Variants in MAP7D2 observed in about 807,000 individuals in gnomAD.
MAP7D2 encodes MAP7 domain-containing protein 2.
MAP7D2 carries 33 observed loss-of-function variants against 63.5 expected under a neutral mutation model. The observed-to-expected ratio is 0.52, with a 90% CI of 0.39 to 0.70. The LOEUF is 0.70. MAP7D2 is among the 30% of genes least tolerant of loss of function. The pLI is 0.00. For missense variants in MAP7D2, 626 were observed against 604.0 expected (o/e 1.04, Z -0.38); for synonymous variants, 224 against 223.7 (o/e 1.00, Z -0.01).
intron 10 of MAP7D2, among the ~76,000 whole-genome samples, chrX:20,018,981 C>T (rs970426706): frequency 1.8e-5 from 2 of 110,965 alleles, no homozygotes; most frequent in African/African-American, 6.6e-5. Context: ...CCGCCCTTGC[C>T]GTCATTACTA....
intron 3 of MAP7D2, among the ~76,000 whole-genome samples, chrX:20,061,118 CAAA>C (rs780468494): frequency 2.8e-3 from 98 of 34,875 alleles, no homozygotes; most frequent in African/African-American, 8.2e-3. Flanking sequence ...AGAACATGAC[CAAA>C]AAAAAAAAAA....
At position 20,024,931 on chromosome X, in the gene MAP7D2, A is replaced by C; in HGVS notation, c.1412+20T>G. The C allele has an allele frequency of 8.3e-7, 1 of 1,203,829 alleles. No individual in the cohort carries two copies. Among genetic ancestry groups the C allele is most frequent in the Non-Finnish European group, 1.1e-6 (1 of 891,889 alleles). ...CAACAGTTACATGAGATCACACCGA[A>C]ATTCTGAGCACTAGCATACCTATCT... On this transcript the variant is annotated intron_variant, in intron 10 of 16. Transcript: ENST00000379643.
At chrX:20,069,636 G>C (rs2065447620) in intron 1 of MAP7D2, among the ~76,000 whole-genome samples, 1 of 111,005 alleles carries the variant, frequency 9.0e-6, no homozygotes, top group Non-Finnish European at 1.9e-5. Context: ...GGAAGTGGAT[G>C]TCTATAAAAG....
rs1336816670 is a variant in MAP7D2, at chrX:20,010,758, T to C, written c.*26+19A>G. On this transcript the variant is annotated intron_variant, in intron 16 of 16. Coordinates refer to ENST00000379643, the MANE Select transcript of MAP7D2 (RefSeq NM_001168465.2). Reference sequence around the variant, plus strand: ...CAGTTAAAGGGTTATGAAGTTAGAATATAATCAAAAGACTGTACCTTTTAT... The same window carrying C: ...CAGTTAAAGGGTTATGAAGTTAGAACATAATCAAAAGACTGTACCTTTTAT... 1 of 1,164,441 alleles carries C rather than the reference T, an allele frequency of 8.6e-7. No individual in the cohort carries two copies. The highest frequency in any genetic ancestry group is 1.8e-5 in the African/African-American group (1 of 56,444).
intron 10 of MAP7D2, among the ~76,000 whole-genome samples, chrX:20,020,105 G>T (rs184475346): frequency 1.8e-5 from 2 of 111,825 alleles, no homozygotes; most frequent in African/African-American, 6.5e-5. Flanking sequence ...GAGGCCACCT[G>T]ATCTGAGCTT....
At chrX:20,087,021 G>T (rs770946650) in intron 1 of MAP7D2, among the ~76,000 whole-genome samples, 2 of 112,200 alleles carry the variant, frequency 1.8e-5, no homozygotes, top group South Asian at 7.4e-4. Context: ...CTTTCCTGAG[G>T]TCACAGAACT....
chrX:20,098,792 G>C (rs2066345684), intron 1 of MAP7D2, among the ~76,000 whole-genome samples: 1 of 112,388 alleles, frequency 8.9e-6, no homozygotes, highest in Non-Finnish European at 1.9e-5. Flanking sequence ...CAAATCCCAG[G>C]GGGACAGTTC....
At chrX:20,023,255 G>C (rs1204574856) in intron 10 of MAP7D2, among the ~76,000 whole-genome samples, 1 of 112,973 alleles carries the variant, frequency 8.9e-6, no homozygotes, top group Non-Finnish European at 1.9e-5. Flanking sequence ...GAAAGCTGTT[G>C]TGTAAAATGT....
At chrX:20,022,722 T>G (rs2073698498) in intron 10 of MAP7D2, among the ~76,000 whole-genome samples, 1 of 110,891 alleles carries the variant, frequency 9.0e-6, no homozygotes, top group Non-Finnish European at 1.9e-5. Context: ...AGAAGGGAAG[T>G]TTGGGGAAAA....
chrX:20,058,669 C>T (rs1370077983), intron 3 of MAP7D2, among the ~76,000 whole-genome samples: 2 of 111,983 alleles, frequency 1.8e-5, no homozygotes, highest in Non-Finnish European at 3.8e-5. Flanking sequence ...TCCTTCAGAC[C>T]TTGAGGAGGC....
At chrX:20,108,731 A>C (rs1307467294) in intron 1 of MAP7D2, among the ~76,000 whole-genome samples, 6 of 110,431 alleles carry the variant, frequency 5.4e-5, no homozygotes, top group South Asian at 3.8e-4. Context: ...AAAAAAAAAA[A>C]AACAAAAAAA....
chrX:20,064,598 G>T, intron 2 of MAP7D2, 130 bp downstream of exon 2: 1 of 520,305 alleles, frequency 1.9e-6, no homozygotes, highest in Non-Finnish European at 3.3e-6. Flanking sequence ...GTAGGTTCAC[G>T]CCTGATTCTT....
At chrX:20,075,390 G>A (rs887687352) in intron 1 of MAP7D2, among the ~76,000 whole-genome samples, 26 of 108,449 alleles carry the variant, frequency 2.4e-4, no homozygotes, top group Middle Eastern at 4.7e-3. Flanking sequence ...AAATGAATCA[G>A]TTTTCATTAA....
chrX:20,076,701 CAAA>C (rs768672531), intron 1 of MAP7D2, among the ~76,000 whole-genome samples: 1 of 71,788 alleles, frequency 1.4e-5, no homozygotes, highest in African/African-American at 5.2e-5. Context: ...AACTTAGTCT[CAAA>C]AAAAAAAAAA....
chrX:20,022,037 T>C (rs1002876116), intron 10 of MAP7D2, among the ~76,000 whole-genome samples: 6 of 112,055 alleles, frequency 5.4e-5, no homozygotes, highest in African/African-American at 1.6e-4. Context: ...AATGAAGCTA[T>C]GTTAGTCAAC....
intron 8 of MAP7D2, among the ~76,000 whole-genome samples, chrX:20,041,010 C>A (rs1162620303): frequency 8.9e-6 from 1 of 111,763 alleles, no homozygotes; most frequent in East Asian, 2.8e-4. Context: ...CTATAATTCT[C>A]ATTTCTATAG....
At chrX:20,043,925 G>A (rs2064727620) in intron 7 of MAP7D2, among the ~76,000 whole-genome samples, 1 of 111,580 alleles carries the variant, frequency 9.0e-6, no homozygotes, top group Non-Finnish European at 1.9e-5. Flanking sequence ...TTGAGCCTAG[G>A]AATTCAAGGT....
chrX:20,058,933 C>T (rs896547887), intron 3 of MAP7D2, among the ~76,000 whole-genome samples: 4 of 111,586 alleles, frequency 3.6e-5, no homozygotes, highest in South Asian at 3.7e-4. Context: ...CTTCATATGA[C>T]GAAACAGAAA....
chrX:20,106,373 C>T (rs1456564782), intron 1 of MAP7D2, among the ~76,000 whole-genome samples: 1 of 112,232 alleles, frequency 8.9e-6, no homozygotes, highest in African/African-American at 3.2e-5. Context: ...TCCGGGCCTG[C>T]TTTGCCTGAT....
Sources: allele counts gnomAD v4.1 joint callset (sites outside exome capture counted in the v4.1 genomes callset), GRCh38; gene constraint gnomAD v4.1.1; transcripts MANE v1.5; gene names NCBI Gene and HGNC (gene_info 2026-07-23, HGNC 2026-07-21).